Variants in DMD observed in about 807,000 individuals in gnomAD.
DMD encodes mutant dystrophin.
A neutral mutation model predicts 330.1 loss-of-function variants in DMD; 63 were observed. The ratio of observed to expected loss-of-function variants is 0.19; its 90% CI spans 0.16 to 0.24. The LOEUF is 0.24. Ranked by LOEUF, DMD falls within the 10% of genes least tolerant of loss-of-function variation. The probability of loss-of-function intolerance (pLI) is 1.00; values close to 1 mark genes in which losing one functional copy is unlikely to be tolerated. For synonymous variants in DMD, 1,223 were observed against 959.8 expected, an observed-to-expected ratio of 1.27 and a Z score of -5.07; for missense variants, 3,344 against 2,684.1, an observed-to-expected ratio of 1.25 and a Z score of -5.43.
chrX:31,518,158 T>C (rs2072425280), intron 55 of DMD, among the ~76,000 whole-genome samples: 1 of 111,880 alleles, frequency 8.9e-6, no homozygotes, highest in East Asian at 2.8e-4. Context: ...CTGCTTCAGA[T>C]ATTTTTAAAA....
At chrX:32,644,756 C>T (rs962557776) in intron 10 of DMD, among the ~76,000 whole-genome samples, 2 of 110,987 alleles carry the variant, frequency 1.8e-5, no homozygotes, top group African/African-American at 3.3e-5. Context: ...GTTGGGCTTT[C>T]GTATTCCTGT....
At chrX:32,510,979 T>C (rs1389956611) in intron 18 of DMD, among the ~76,000 whole-genome samples, 1 of 110,082 alleles carries the variant, frequency 9.1e-6, no homozygotes, top group African/African-American at 3.3e-5. Context: ...CCTCTCTCTA[T>C]GTGTGTGTAT....
chrX:32,995,150 A>G (rs1353620552), intron 2 of DMD, among the ~76,000 whole-genome samples: 1 of 112,495 alleles, frequency 8.9e-6, no homozygotes, highest in African/African-American at 3.2e-5. Context: ...TAAAGAACTC[A>G]TGCAAATCCA....
At position 32,744,709 on chromosome X, in the gene DMD, C is replaced by G. The variant is rs147129391; in HGVS notation, c.650-45416G>C. Among the ~76,000 whole-genome samples, 113 of 111,676 alleles carry G rather than the reference C, an allele frequency of 1.0e-3. 2 individuals carry two copies. In the East Asian group the frequency reaches 0.028, roughly 27 times the overall value. ...TGTCATATCTAGTCATTCCTTAAGT[C>G]CCATCAATGAATCTTCTCCATCCCA... On this transcript the variant is annotated intron_variant, in intron 7 of 78. Coordinates refer to ENST00000357033, the MANE Select transcript of DMD (RefSeq NM_004006.3).
chrX:32,947,550 G>T (rs1271926325), intron 2 of DMD, among the ~76,000 whole-genome samples: 1 of 111,312 alleles, frequency 9.0e-6, no homozygotes, highest in Non-Finnish European at 1.9e-5. Context: ...GACAAAGATG[G>T]TCTAATTTTG....
chrX:32,689,544 G>C (rs774434662), intron 9 of DMD, among the ~76,000 whole-genome samples: 2 of 111,021 alleles, frequency 1.8e-5, no homozygotes, highest in Admixed American at 1.9e-4. Flanking sequence ...GAAGTGGAGG[G>C]AGCACTTCCA....
intron 41 of DMD, among the ~76,000 whole-genome samples, chrX:32,311,980 C>G (rs2097564192): frequency 9.0e-6 from 1 of 111,461 alleles, no homozygotes; most frequent in East Asian, 2.8e-4. Flanking sequence ...ATAACCCCTG[C>G]AGTAAAGATA....
intron 55 of DMD, among the ~76,000 whole-genome samples, chrX:31,590,956 T>C (rs1040976421): frequency 9.0e-6 from 1 of 111,602 alleles, no homozygotes; most frequent in Non-Finnish European, 1.9e-5. Context: ...TTTGGTTTAA[T>C]GTGGATCTCT....
intron 60 of DMD, among the ~76,000 whole-genome samples, chrX:31,380,164 T>G (rs1343750367): frequency 9.0e-6 from 1 of 110,722 alleles, no homozygotes; most frequent in Non-Finnish European, 1.9e-5. Context: ...CGGCCAGGCT[T>G]CTAAACCTCT....
chrX:32,314,200 T>C (rs960437544), intron 41 of DMD, among the ~76,000 whole-genome samples: 1 of 111,468 alleles, frequency 9.0e-6, no homozygotes, highest in Non-Finnish European at 1.9e-5. Flanking sequence ...AAAACAGATA[T>C]ATAGACCAAC....
Position 32,725,795 on chromosome X carries a change from C to T in DMD, c.650-26502G>A, listed in dbSNP as rs976180453. Among the ~76,000 whole-genome samples, 16 of 110,731 alleles carry T rather than the reference C, an allele frequency of 1.4e-4. No homozygotes were observed. The East Asian group carries it at 2.8e-3, about 20-fold the overall frequency. On this transcript the variant is annotated intron_variant, in intron 7 of 78. Coordinates refer to ENST00000357033, the MANE Select transcript of DMD (RefSeq NM_004006.3). ...GCGAGCACAGCAAGGTGACTATACT[C>T]AATAATTTAACTGTACATTTTATAA...
intron 55 of DMD, among the ~76,000 whole-genome samples, chrX:31,541,649 CCCTACAAAGGACTTGAACTCAT>C (rs1295307132): frequency 9.1e-6 from 1 of 110,334 alleles, no homozygotes; most frequent in African/African-American, 3.3e-5. Flanking sequence ...TCATCCACGT[CCCTACAAAGGACTTGAACTCAT>C]CCTCTTTATG....
intron 67 of DMD, among the ~76,000 whole-genome samples, chrX:31,203,206 C>A (rs181426116): frequency 1.0e-5 from 1 of 99,225 alleles, no homozygotes; most frequent in Non-Finnish European, 2.0e-5. Flanking sequence ...CACTTGAACC[C>A]GGGAGGTGGA....
intron 4 of DMD, among the ~76,000 whole-genome samples, chrX:32,838,899 A>AT (rs1293562953): frequency 8.0e-5 from 9 of 111,955 alleles, no homozygotes; most frequent in African/African-American, 2.9e-4. Flanking sequence ...TAGAAATACC[A>AT]TTTGACCCAG....
chrX:31,865,540 G>C (rs1171924220), intron 48 of DMD, among the ~76,000 whole-genome samples: 1 of 111,788 alleles, frequency 8.9e-6, no homozygotes, highest in Non-Finnish European at 1.9e-5. Flanking sequence ...ATTTGAATTT[G>C]AATTATCCAT....
At chrX:32,031,990 T>C (rs1362377338) in intron 44 of DMD, among the ~76,000 whole-genome samples, 1 of 111,905 alleles carries the variant, frequency 8.9e-6, no homozygotes, top group African/African-American at 3.2e-5. Context: ...TCGTTGCAAA[T>C]GTGGTAGAGT....
intron 65 of DMD, among the ~76,000 whole-genome samples, chrX:31,207,115 A>T (rs1167232167): frequency 8.9e-6 from 1 of 111,935 alleles, no homozygotes; most frequent in African/African-American, 3.2e-5. Flanking sequence ...CTAACTGCTC[A>T]GCCCTCTTAA....
chrX:32,254,982 A>G (rs1332906468), intron 43 of DMD, among the ~76,000 whole-genome samples: 1 of 112,142 alleles, frequency 8.9e-6, no homozygotes, highest in East Asian at 2.8e-4. Flanking sequence ...TATACCAATG[A>G]CACAAGAACT....
intron 1 of DMD, among the ~76,000 whole-genome samples, chrX:33,298,658 C>A (rs772749876): frequency 1.1e-4 from 12 of 111,579 alleles, no homozygotes; most frequent in Non-Finnish European, 2.1e-4. Flanking sequence ...TGTGCCTATC[C>A]TAATAAGCAG....
Sources: gnomAD v4.1 joint callset for allele counts (sites outside exome capture counted in the v4.1 genomes callset) on GRCh38, gnomAD v4.1.1 for gene constraint, MANE v1.5 for transcripts, NCBI Gene and HGNC (gene_info 2026-07-23, HGNC 2026-07-21) for gene names.